The following MRAS variants were observed in gnomAD, a reference collection of about 807,000 sequenced individuals.
MRAS encodes the protein muscle RAS oncogene homolog, also known as ras-related protein M-Ras.
MRAS carries 4 observed loss-of-function variants against 20.9 expected under a neutral mutation model. The observed-to-expected ratio is 0.19, with a 90% CI of 0.09 to 0.44. The LOEUF is 0.44. Ranked by LOEUF, MRAS falls within the 20% of genes least tolerant of loss-of-function variation. The pLI, the probability that MRAS is intolerant of heterozygous loss-of-function variation, is 0.99. For missense variants in MRAS, 154 were observed against 277.5 expected (o/e 0.56, Z 3.16); for synonymous variants, 98 against 102.9 (o/e 0.95, Z 0.29).
chr3:138,370,047 C>T (rs1343453901), intron 1 of MRAS, among the ~76,000 whole-genome samples: 1 of 152,158 alleles, frequency 6.6e-6, no homozygotes, highest in South Asian at 2.1e-4. Flanking sequence ...CGACCGGGAA[C>T]GGTGGCTCAT....
intron 2 of MRAS, among the ~76,000 whole-genome samples, chr3:138,378,427 C>CT (rs1192763896): frequency 2.6e-5 from 4 of 152,238 alleles, no homozygotes; most frequent in Non-Finnish European, 5.9e-5. Context: ...CAAGCCTGCT[C>CT]TGAGTTCTTT....
chr3:138,394,044 C>T (rs1487219070), intron 2 of MRAS, among the ~76,000 whole-genome samples: 4 of 151,626 alleles, frequency 2.6e-5, no homozygotes, highest in Non-Finnish European at 4.4e-5. Flanking sequence ...CAAATGCATG[C>T]TGTTTCCGTC....
intron 2 of MRAS, among the ~76,000 whole-genome samples, chr3:138,388,118 C>A (rs983430467): frequency 6.6e-6 from 1 of 152,172 alleles, no homozygotes; most frequent in Non-Finnish European, 1.5e-5. Flanking sequence ...TGCACCCTGC[C>A]AGCATTTTGG....
chr3:138,397,231 G>T lies in MRAS; in HGVS notation c.194-93G>T, dbSNP rs2055255584. 2.7e-6 allele frequency: 4 copies of T among 1,471,800 alleles called. No homozygotes were observed. The African/African-American group carries it at 4.2e-5, about 15-fold the overall frequency. The allele number at this position is 1,471,800 out of a possible 1,614,324, so 91.2% of individuals were successfully genotyped here. A position where few individuals can be genotyped will look rare whatever the true frequency, so the allele number is the denominator to read the frequency against. Reference sequence around the variant, plus strand: ...GGACAGCTCGGACTGGGCCACGGTAGGGACAGCAGCAGCAGCAGTGTTGGA... The same window carrying T: ...GGACAGCTCGGACTGGGCCACGGTATGGACAGCAGCAGCAGCAGTGTTGGA... On this transcript the variant is annotated intron_variant, in intron 2 of 5. Coordinates refer to ENST00000423968, the MANE Select transcript of MRAS (RefSeq NM_001085049.3).
intron 2 of MRAS, among the ~76,000 whole-genome samples, chr3:138,376,339 C>T (rs2054783056): frequency 6.6e-6 from 1 of 152,244 alleles, no homozygotes; most frequent in Non-Finnish European, 1.5e-5. Context: ...ATGCCCAACT[C>T]TGTTCTTCTT....
At chr3:138,367,626 A>G (rs1303370401) in intron 1 of MRAS, among the ~76,000 whole-genome samples, 5 of 152,172 alleles carry the variant, frequency 3.3e-5, no homozygotes, top group Admixed American at 6.5e-5. Context: ...TTCTTAGCAC[A>G]AGGGAGGCCC....
intron 1 of MRAS, among the ~76,000 whole-genome samples, chr3:138,364,760 C>T (rs533080060): frequency 1.3e-5 from 2 of 152,342 alleles, no homozygotes; most frequent in South Asian, 4.1e-4. Flanking sequence ...GCAAGCTGTC[C>T]CAGCCTGGAT....
chr3:138,380,071 G>A (rs1411436498), intron 2 of MRAS, among the ~76,000 whole-genome samples: 1 of 152,122 alleles, frequency 6.6e-6, no homozygotes, highest in Admixed American at 6.5e-5. Flanking sequence ...GCATTTCATT[G>A]TAGTTTTGAT....
chr3:138,379,445 C>T, intron 2 of MRAS, among the ~76,000 whole-genome samples: 1 of 151,754 alleles, frequency 6.6e-6, no homozygotes, highest in Non-Finnish European at 1.5e-5. Flanking sequence ...GCAACCTCCC[C>T]CTCCCGGGTT....
intron 2 of MRAS, among the ~76,000 whole-genome samples, chr3:138,387,632 G>A (rs2055044476): frequency 6.6e-6 from 1 of 152,172 alleles, no homozygotes; most frequent in South Asian, 2.1e-4. Flanking sequence ...GCTCCCAGTT[G>A]TCTCCCTGTT....
rs374311750 is a variant in MRAS at position 138,368,898 on chromosome 3, T to TG, written c.-18-3960dup. On this transcript the variant is annotated intron_variant, in intron 1 of 5. Transcript: ENST00000423968. ...CAAAGACATCATTTGATCAGGGTTTTGGGGGGGGCCGGAGAAACATGCCTA... is the reference window on the plus strand; with the variant it reads ...CAAAGACATCATTTGATCAGGGTTTTGGGGGGGGGCCGGAGAAACATGCCTA... Among the ~76,000 whole-genome samples the TG allele has an allele frequency of 5.3e-4, 81 of 151,774 alleles. 1 individual carries two copies. Among genetic ancestry groups the TG allele is most frequent in the South Asian group, 4.0e-3 (19 of 4,800 alleles).
At chr3:138,362,329 A>G (rs538647569) in intron 1 of MRAS, among the ~76,000 whole-genome samples, 12 of 152,156 alleles carry the variant, frequency 7.9e-5, no homozygotes, top group African/African-American at 2.7e-4. Context: ...TCTTTTCACT[A>G]GCCTGTGCCC....
chr3:138,369,843 G>C (rs1426974200), intron 1 of MRAS, among the ~76,000 whole-genome samples: 1 of 152,174 alleles, frequency 6.6e-6, no homozygotes, highest in Non-Finnish European at 1.5e-5. Context: ...ATTTGGCTGT[G>C]GGTGGTCTGA....
intron 2 of MRAS, among the ~76,000 whole-genome samples, chr3:138,374,378 G>C (rs1204136372): frequency 6.6e-6 from 1 of 152,094 alleles, no homozygotes; most frequent in Non-Finnish European, 1.5e-5. Flanking sequence ...TCAATTTTCA[G>C]TTGTTTGTTG....
rs1436833622 is a variant in MRAS at position 138,405,494 on chromosome 3, C to G, written c.*3225C>G. The G allele has an allele frequency of 1.3e-5, 2 of 152,636 alleles. No homozygotes were observed. The highest frequency in any genetic ancestry group is 4.8e-5 in the African/African-American group (2 of 41,466). 9.5% of individuals were successfully genotyped at this position (152,636 alleles called of 1,614,324 possible). A position where few individuals can be genotyped will look rare whatever the true frequency, so the allele number is the denominator to read the frequency against. On this transcript the variant is annotated 3_prime_UTR_variant, in exon 6 of 6. Coordinates refer to ENST00000423968, the MANE Select transcript of MRAS (RefSeq NM_001085049.3). The stretch of plus-strand genomic sequence containing the variant: ...CCTTCTGTGTAACTTTTTATTAAGT[C>G]TTTGTATCTCTCGACTGATTAATAA...
At chr3:138,385,141 G>A (rs1025177833) in intron 2 of MRAS, among the ~76,000 whole-genome samples, 6 of 151,146 alleles carry the variant, frequency 4.0e-5, no homozygotes, top group East Asian at 3.9e-4. Context: ...CCAAGGGGCG[G>A]GGTTTTGATT....
At chr3:138,399,372 CA>C (rs2055310917) in intron 4 of MRAS, among the ~76,000 whole-genome samples, 5 of 152,202 alleles carry the variant, frequency 3.3e-5, no homozygotes. Context: ...ATGAATATTT[CA>C]AAGGCTTAAG....
intron 1 of MRAS, among the ~76,000 whole-genome samples, chr3:138,355,536 T>G (rs1205186350): frequency 6.6e-6 from 1 of 152,232 alleles, no homozygotes; most frequent in Non-Finnish European, 1.5e-5. Context: ...TTCATCTGGT[T>G]TCATAATAGA....
intron 1 of MRAS, among the ~76,000 whole-genome samples, chr3:138,360,882 G>A (rs1444305601): frequency 6.6e-6 from 1 of 152,234 alleles, no homozygotes; most frequent in Non-Finnish European, 1.5e-5. Context: ...GAATGTGACT[G>A]TGAAGTAACA....
Sources: allele counts gnomAD v4.1 joint callset (sites outside exome capture counted in the v4.1 genomes callset), GRCh38; gene constraint gnomAD v4.1.1; transcripts MANE v1.5; gene names NCBI Gene and HGNC (gene_info 2026-07-23, HGNC 2026-07-21).